ARHGAP35: variants seen among roughly 807,000 people sequenced by gnomAD.
ARHGAP35 encodes rho GTPase-activating protein 35.
ARHGAP35 carries 15 observed loss-of-function variants against 111.1 expected under a neutral mutation model. The ratio of observed to expected loss-of-function variants is 0.13; its 90% CI spans 0.09 to 0.21. ARHGAP35 has a LOEUF of 0.21. Ranked by LOEUF, ARHGAP35 falls within the 10% of genes least tolerant of loss-of-function variation. The pLI, the probability that ARHGAP35 is intolerant of heterozygous loss-of-function variation, is 1.00. For synonymous variants in ARHGAP35, 643 were observed against 710.3 expected (o/e 0.91, Z 1.51); for missense variants, 1,262 against 1,873.0 (o/e 0.67, Z 6.02).
intron 1 of ARHGAP35, among the ~76,000 whole-genome samples, chr19:46,895,125 T>A (rs1462250466): frequency 1.3e-5 from 2 of 152,022 alleles, no homozygotes; most frequent in Non-Finnish European, 2.9e-5. Flanking sequence ...ATTTTTGCAA[T>A]TGGATGAGGG....
chr19:47,001,355 T>C lies in ARHGAP35; in HGVS notation c.*667T>C. On this transcript the variant is annotated 3_prime_UTR_variant, in exon 7 of 7. Coordinates refer to ENST00000672722, the MANE Select transcript of ARHGAP35 (RefSeq NM_004491.5). This position sits in a 1 kb window ranked among gnomAD's most constrained non-coding sequence, Gnocchi z 5.4. ...TCCACAGCCTTCCCGAAACATTCCC[T>C]GGCAAACAAAGGAACACTAGGAGAA... 1 of 1,290,196 alleles carries C rather than the reference T, an allele frequency of 7.8e-7. No homozygotes were observed. Among genetic ancestry groups the C allele is most frequent in the African/African-American group, 1.5e-5 (1 of 65,990 alleles). The allele number at this position is 1,290,196 out of a possible 1,614,324, so 79.9% of individuals were successfully genotyped here. A position where few individuals can be genotyped will look rare whatever the true frequency, so the allele number is the denominator to read the frequency against.
In ARHGAP35 at chr19:46,989,787, G is replaced by C; in HGVS notation, c.4036+112G>C. ...TGGCTGTTAGAGCTGAGGTTTGAAG[G>C]ACAGAGGGCAAGGGAATTAACCAGA... is the stretch of plus-strand genomic sequence containing the variant. On this transcript the variant is annotated intron_variant, in intron 5 of 6. Transcript: ENST00000672722. This position sits in a 1 kb window ranked among gnomAD's most constrained non-coding sequence, Gnocchi z 5.3. 3.3e-6 allele frequency: 5 copies of C among 1,532,590 alleles called. No homozygotes were observed. The highest frequency in any genetic ancestry group is 4.4e-6 in the Non-Finnish European group (5 of 1,129,410). The allele number at this position is 1,532,590 out of a possible 1,614,324, so 94.9% of individuals were successfully genotyped here. A position where few individuals can be genotyped will look rare whatever the true frequency, so the allele number is the denominator to read the frequency against.
Position 46,988,336 on chromosome 19 carries a change from C to A in ARHGAP35, c.3904+270C>A. ...CTCACAGATGCTCTTCCAGGTTGCC[C>A]GGGCACATGCCTCCCTCACCACACT... On this transcript the variant is annotated intron_variant, in intron 4 of 6. Transcript: ENST00000672722. This position sits in a 1 kb window ranked among gnomAD's most constrained non-coding sequence, Gnocchi z 5.4. 1 of 437,208 alleles carries A rather than the reference C, an allele frequency of 2.3e-6. No individual in the cohort carries two copies. Among genetic ancestry groups the A allele is most frequent in the Non-Finnish European group, 4.3e-6 (1 of 234,356 alleles). The allele number at this position is 437,208 out of a possible 1,614,324, so 27.1% of individuals were successfully genotyped here.
intron 1 of ARHGAP35, among the ~76,000 whole-genome samples, chr19:46,903,684 C>T (rs780845713): frequency 6.6e-6 from 1 of 152,146 alleles, no homozygotes; most frequent in Non-Finnish European, 1.5e-5. Flanking sequence ...AGAGATGACT[C>T]GTTGATCTTC....
At chr19:46,970,062 A>G (rs1276959837) in intron 3 of ARHGAP35, among the ~76,000 whole-genome samples, 3 of 152,276 alleles carry the variant, frequency 2.0e-5, no homozygotes, top group Admixed American at 6.5e-5. Flanking sequence ...TCGGGTATCT[A>G]TTGAAGGAAT....
chr19:46,992,679 C>T lies in ARHGAP35; in HGVS notation c.4036+3004C>T, dbSNP rs115646515. Among the ~76,000 whole-genome samples, 888 of 152,328 alleles carry T rather than the reference C, an allele frequency of 5.8e-3. 8 individuals are homozygous for T. Among genetic ancestry groups the T allele is most frequent in the African/African-American group, 0.02 (840 of 41,564 alleles). ...AGGGTCAGGACCAAAGGACCTGTGG[C>T]TCCAGGGTCCGCATTAACTCCCTGT... On this transcript the variant is annotated intron_variant, in intron 5 of 6. Transcript: ENST00000672722. This position sits in a 1 kb window ranked among gnomAD's most constrained non-coding sequence, Gnocchi z 4.4.
chr19:46,869,379 C>T (rs1486301987), intron 1 of ARHGAP35, among the ~76,000 whole-genome samples: 1 of 152,088 alleles, frequency 6.6e-6, no homozygotes. Flanking sequence ...ATCACCTAAA[C>T]GCCTAACCCC....
At position 46,921,346 on chromosome 19, in the gene ARHGAP35, G is replaced by T. The variant is rs199618071; in HGVS notation, c.2671G>T (p.Gly891Cys). 1 of 1,613,846 alleles carries T rather than the reference G, an allele frequency of 6.2e-7. No individual in the cohort carries two copies. Among genetic ancestry groups the T allele is most frequent in the Non-Finnish European group, 8.5e-7 (1 of 1,179,902 alleles). ...IPIQLVALTD[G>C]AVDVLDNDLS... ...TATTCAGCTTGTAGCACTCACTGATGGCGCTGTAGATGTCCTGGACAATGA... is the reference window on the plus strand; with the variant it reads ...TATTCAGCTTGTAGCACTCACTGATTGCGCTGTAGATGTCCTGGACAATGA... The change falls in exon 2 of 7, where the codon GGC becomes TGC. Residue 891 changes from glycine (G) to cysteine (C), a missense_variant. By Grantham distance (159) the Gly-to-Cys change is radical. Coordinates refer to ENST00000672722, the MANE Select transcript of ARHGAP35 (RefSeq NM_004491.5). This position sits in a 1 kb window ranked among gnomAD's most constrained non-coding sequence, Gnocchi z 4.3.
At chr19:46,884,554 G>A (rs778951339) in intron 1 of ARHGAP35, among the ~76,000 whole-genome samples, 18 of 142,934 alleles carry the variant, frequency 1.3e-4, no homozygotes, top group African/African-American at 1.8e-4. Flanking sequence ...AGACTGGAGC[G>A]CAGTGGCATG....
chr19:46,914,694 A>T (rs1356996352), intron 1 of ARHGAP35, among the ~76,000 whole-genome samples: 1 of 152,204 alleles, frequency 6.6e-6, no homozygotes, highest in Non-Finnish European at 1.5e-5. Flanking sequence ...AACTGAAAAT[A>T]TGCCATTAAA....
chr19:47,001,220 C>A lies in ARHGAP35; in HGVS notation c.*532C>A. ...AACGTGTAGGCCACGGCTCTGCCAC[C>A]ACTAGGTACCTGCTGAGGGCGCTGG... is the stretch of plus-strand genomic sequence containing the variant. On this transcript the variant is annotated 3_prime_UTR_variant, in exon 7 of 7. Coordinates refer to ENST00000672722, the MANE Select transcript of ARHGAP35 (RefSeq NM_004491.5). This position sits in a 1 kb window ranked among gnomAD's most constrained non-coding sequence, Gnocchi z 5.4. 1 of 1,277,616 alleles carries A rather than the reference C, an allele frequency of 7.8e-7. No individual in the cohort carries two copies. The highest frequency in any genetic ancestry group is 1.0e-6 in the Non-Finnish European group (1 of 983,578). 79.1% of individuals were successfully genotyped at this position (1,277,616 alleles called of 1,614,324 possible). A position where few individuals can be genotyped will look rare whatever the true frequency, so the allele number is the denominator to read the frequency against.
intron 3 of ARHGAP35, among the ~76,000 whole-genome samples, chr19:46,961,676 TC>T (rs1449730032): frequency 6.6e-6 from 1 of 152,164 alleles, no homozygotes; most frequent in Non-Finnish European, 1.5e-5. Context: ...ATGCCTGTAA[TC>T]CCAGAACTTT....
chr19:46,901,635 A>C lies in ARHGAP35; in HGVS notation c.-188-16853A>C, dbSNP rs968281704. Among the ~76,000 whole-genome samples the C allele has an allele frequency of 2.5e-4, 38 of 152,342 alleles. No homozygotes were observed. Among genetic ancestry groups the C allele is most frequent in the African/African-American group, 9.1e-4 (38 of 41,582 alleles). ...GGAGAGCAAGAGTATACATGTGAAG[A>C]ACGCGTAAGGCTGTGGGGATCCAGG... On this transcript the variant is annotated intron_variant, in intron 1 of 6. Transcript: ENST00000672722. This position sits in a 1 kb window ranked among gnomAD's most constrained non-coding sequence, Gnocchi z 4.5.
At chr19:46,936,459 A>G (rs2122224000) in intron 2 of ARHGAP35, among the ~76,000 whole-genome samples, 1 of 152,300 alleles carries the variant, frequency 6.6e-6, no homozygotes, top group East Asian at 1.9e-4. Flanking sequence ...AAGCTAATGT[A>G]TCAAAGGACA....
In ARHGAP35 at chr19:47,000,105, G is replaced by A. The variant is rs2056737930; in HGVS notation, c.4143-226G>A. The stretch of plus-strand genomic sequence containing the variant: ...ACCCCCAGGGGTTTGCGGGGCTCCA[G>A]GCAGCCTTTCCGAGGTTGGCCATGT... On this transcript the variant is annotated intron_variant, in intron 6 of 6. Coordinates refer to ENST00000672722, the MANE Select transcript of ARHGAP35 (RefSeq NM_004491.5). This position sits in a 1 kb window ranked among gnomAD's most constrained non-coding sequence, Gnocchi z 6.9. Among the ~76,000 whole-genome samples, 1 of 152,222 alleles carries A rather than the reference G, an allele frequency of 6.6e-6. No individual in the cohort carries two copies. Among genetic ancestry groups the A allele is most frequent in the Non-Finnish European group, 1.5e-5 (1 of 68,028 alleles).
rs550765506 is a variant in ARHGAP35, at chr19:46,954,499, G to A, written c.3826+17091G>A. 5.3e-5 allele frequency among the ~76,000 whole-genome samples: 8 copies of A among 152,374 alleles called. No homozygotes were observed. The East Asian group carries it at 7.7e-4, about 15-fold the overall frequency. On this transcript the variant is annotated intron_variant, in intron 3 of 6. Transcript: ENST00000672722. ...CGTGGACAAATGCCACTTGAGAGCC[G>A]TGGTCTGAAGAGATGAGCTCACGCC...
intron 3 of ARHGAP35, among the ~76,000 whole-genome samples, 167 bp from the exon 4 acceptor site, chr19:46,987,822 G>C (rs914601740): frequency 6.6e-6 from 1 of 152,172 alleles, no homozygotes; most frequent in African/African-American, 2.4e-5. Context: ...AGGTCAGATG[G>C]GTTGAAGCAT....
intron 1 of ARHGAP35, among the ~76,000 whole-genome samples, chr19:46,892,773 T>C (rs1223687931): frequency 6.6e-6 from 1 of 151,806 alleles, no homozygotes; most frequent in Non-Finnish European, 1.5e-5. Context: ...GTTCTTTCCA[T>C]AGGTTGATTC....
chr19:46,934,635 A>G (rs1016861656), intron 2 of ARHGAP35, among the ~76,000 whole-genome samples: 2 of 151,910 alleles, frequency 1.3e-5, no homozygotes, highest in African/African-American at 2.4e-5. Flanking sequence ...CCAAAGTGCT[A>G]GGATTACAGG....
Sources: allele counts gnomAD v4.1 joint callset (sites outside exome capture counted in the v4.1 genomes callset), GRCh38; gene constraint gnomAD v4.1.1; non-coding constraint Gnocchi (gnomAD v3.1); transcripts MANE v1.5; gene names NCBI Gene and HGNC (gene_info 2026-07-23, HGNC 2026-07-21).